Variants in ROBO1 observed in about 807,000 individuals in gnomAD.
ROBO1 encodes the protein roundabout guidance receptor 1.
Under a neutral mutation model 195.9 loss-of-function variants are expected in ROBO1, and 149 were observed. That is an observed-to-expected ratio of 0.76 (90% CI 0.67 to 0.87). The LOEUF is 0.87. Among genes scored for constraint, ROBO1 ranks in the 40% least tolerant of loss-of-function variants. ROBO1 has a pLI of 0.00. For missense variants in ROBO1, 1,933 were observed against 2,068.3 expected, an observed-to-expected ratio of 0.93 and a Z score of 1.27; for synonymous variants, 816 against 733.2, an observed-to-expected ratio of 1.11 and a Z score of -1.82.
chr3:78,691,217 A>G (rs1327371507), intron 8 of ROBO1, among the ~76,000 whole-genome samples: 10 of 152,186 alleles, frequency 6.6e-5, no homozygotes. Context: ...TTAGATTGAG[A>G]ACACCATTCA....
intron 2 of ROBO1, among the ~76,000 whole-genome samples, chr3:79,446,805 CAA>C (rs1226396871): frequency 6.6e-6 from 1 of 152,022 alleles, no homozygotes; most frequent in African/African-American, 2.4e-5. Context: ...TTCTACATTT[CAA>C]AAAAGTTTTA....
At chr3:79,391,818 C>T (rs1033633483) in intron 2 of ROBO1, among the ~76,000 whole-genome samples, 1 of 151,934 alleles carries the variant, frequency 6.6e-6, no homozygotes, top group Non-Finnish European at 1.5e-5. Flanking sequence ...TATATATTCA[C>T]ATTGGTGCTT....
At chr3:79,084,261 G>A (rs1446794595) in intron 3 of ROBO1, among the ~76,000 whole-genome samples, 1 of 152,194 alleles carries the variant, frequency 6.6e-6, no homozygotes, top group East Asian at 1.9e-4. Flanking sequence ...CACTTCGGGA[G>A]GCTGAGGTGG....
At chr3:79,053,674 T>TA (rs1004459077) in intron 3 of ROBO1, among the ~76,000 whole-genome samples, 1 of 151,840 alleles carries the variant, frequency 6.6e-6, no homozygotes, top group Admixed American at 6.6e-5. Flanking sequence ...GCTCCCCCAA[T>TA]ACCCCTTTCT....
intron 10 of ROBO1, among the ~76,000 whole-genome samples, chr3:78,675,177 C>T (rs1708327597): frequency 6.7e-6 from 1 of 150,204 alleles, no homozygotes; most frequent in Non-Finnish European, 1.5e-5. Flanking sequence ...AAAAAAAAAT[C>T]AGCTGGCAGC....
At chr3:78,916,954 T>A (rs1275736531) in intron 4 of ROBO1, among the ~76,000 whole-genome samples, 1 of 152,142 alleles carries the variant, frequency 6.6e-6, no homozygotes, top group Non-Finnish European at 1.5e-5. Flanking sequence ...GTAGGTTGAG[T>A]AAAGAAATGA....
chr3:79,338,839 G>A (rs760425548), intron 2 of ROBO1, among the ~76,000 whole-genome samples: 4 of 151,964 alleles, frequency 2.6e-5, no homozygotes, highest in Non-Finnish European at 4.4e-5. Context: ...CTTCTCACCT[G>A]AACTCCACTC....
At chr3:78,773,106 G>T (rs1388580969) in intron 4 of ROBO1, among the ~76,000 whole-genome samples, 1 of 151,986 alleles carries the variant, frequency 6.6e-6, no homozygotes, top group African/African-American at 2.4e-5. Flanking sequence ...AATTATTATT[G>T]TATGCTGTGT....
intron 2 of ROBO1, among the ~76,000 whole-genome samples, chr3:79,503,907 G>A (rs975408004): frequency 6.6e-6 from 1 of 152,110 alleles, no homozygotes; most frequent in East Asian, 1.9e-4. Flanking sequence ...TAGGAAGGAA[G>A]TTTCATATTC....
chr3:79,635,151 C>A (rs1945461036), intron 1 of ROBO1, among the ~76,000 whole-genome samples: 1 of 152,304 alleles, frequency 6.6e-6, no homozygotes, highest in East Asian at 1.9e-4. Flanking sequence ...ATTTTCCTAT[C>A]ACTACATTTA....
intron 4 of ROBO1, among the ~76,000 whole-genome samples, chr3:78,832,993 G>A (rs1417193652): frequency 3.3e-5 from 5 of 152,106 alleles, no homozygotes; most frequent in Non-Finnish European, 5.9e-5. Flanking sequence ...GCACGATAAC[G>A]GAGGGCCTCA....
chr3:79,144,058 A>T (rs1003827667), intron 2 of ROBO1, among the ~76,000 whole-genome samples: 1 of 151,984 alleles, frequency 6.6e-6, no homozygotes, highest in Non-Finnish European at 1.5e-5. Context: ...ATGGCAATGT[A>T]GAGTTCCATG....
intron 2 of ROBO1, among the ~76,000 whole-genome samples, chr3:79,557,857 A>C (rs914952310): frequency 6.6e-6 from 1 of 151,464 alleles, no homozygotes; most frequent in Non-Finnish European, 1.5e-5. Context: ...TTTCCAGAGC[A>C]TGACATCATG....
chr3:78,943,171 G>T (rs957278132), intron 3 of ROBO1, among the ~76,000 whole-genome samples: 1 of 151,614 alleles, frequency 6.6e-6, no homozygotes, highest in Non-Finnish European at 1.5e-5. Context: ...AGCCAAGATC[G>T]TGCCACTGCA....
intron 3 of ROBO1, among the ~76,000 whole-genome samples, chr3:78,993,663 G>C (rs984284865): frequency 7.9e-5 from 12 of 152,022 alleles, no homozygotes; most frequent in Admixed American, 2.0e-4. Context: ...ACACCAGATC[G>C]GGTGGCTGTG....
intron 8 of ROBO1, among the ~76,000 whole-genome samples, chr3:78,694,598 A>T (rs1161317827): frequency 6.6e-6 from 1 of 152,220 alleles, no homozygotes; most frequent in Non-Finnish European, 1.5e-5. Flanking sequence ...GTTAAAAAGA[A>T]ACTTTCTCAT....
chr3:78,673,692 G>C (rs1708232560), intron 10 of ROBO1, among the ~76,000 whole-genome samples: 1 of 146,004 alleles, frequency 6.8e-6, no homozygotes, highest in South Asian at 2.2e-4. Context: ...TCCAAAATAA[G>C]GGTATATAAT....
chr3:79,315,948 A>T (rs116431343), intron 2 of ROBO1, among the ~76,000 whole-genome samples: 1,955 of 152,304 alleles, frequency 0.013, 40 homozygotes, highest in Non-Finnish European at 0.017. Context: ...AGAGTTGTGA[A>T]AGAGTTGGAG....
At chr3:79,669,875 T>C (rs1008022015) in intron 1 of ROBO1, among the ~76,000 whole-genome samples, 1 of 151,922 alleles carries the variant, frequency 6.6e-6, no homozygotes, top group Non-Finnish European at 1.5e-5. Flanking sequence ...AATAGGGGCT[T>C]AAGTTAGAGA....
Sources: gnomAD v4.1 joint callset for allele counts (sites outside exome capture counted in the v4.1 genomes callset) on GRCh38, gnomAD v4.1.1 for gene constraint, MANE v1.5 for transcripts, NCBI Gene and HGNC (gene_info 2026-07-23, HGNC 2026-07-21) for gene names.